RAPH1: variants seen among roughly 807,000 people sequenced by gnomAD.
RAPH1 encodes the protein Ras association (RalGDS/AF-6) and pleckstrin homology domains 1.
In RAPH1, 18 loss-of-function variants were observed where a neutral mutation model predicts 88.1. The observed-to-expected ratio is 0.20, with a 90% CI of 0.14 to 0.30. The LOEUF (loss-of-function observed/expected upper bound fraction) is 0.30, where lower values mean the gene tolerates loss of function less well. Ranked by LOEUF, RAPH1 falls within the 10% of genes least tolerant of loss-of-function variation. RAPH1 has a pLI of 1.00. For missense variants in RAPH1, 1,448 were observed against 1,543.2 expected (o/e 0.94, Z 1.03); for synonymous variants, 587 against 559.0 (o/e 1.05, Z -0.71).
intron 5 of RAPH1, 38 bp downstream of exon 5, chr2:203,461,804 AACTGAT>A: frequency 6.8e-7 from 1 of 1,475,708 alleles, no homozygotes; most frequent in Non-Finnish European, 9.3e-7. Flanking sequence ...AAATCCAAAA[AACTGAT>A]AAAAAAATCC....
Position 203,514,934 on chromosome 2 carries a change from A to C in RAPH1, c.1-19581T>G, listed in dbSNP as rs149936257. Reference sequence around the variant, plus strand: ...TCATATAATACCAATTAGAATAGAAAAAGTGTTTAAAACTAAGTAAAACTA... The same window carrying C: ...TCATATAATACCAATTAGAATAGAACAAGTGTTTAAAACTAAGTAAAACTA... On this transcript the variant is annotated intron_variant, in intron 1 of 13. Transcript: ENST00000319170. Among the ~76,000 whole-genome samples, 920 of 152,290 alleles carry C rather than the reference A, an allele frequency of 6.0e-3. 5 individuals are homozygous for C. The highest frequency in any genetic ancestry group is 0.01 in the Non-Finnish European group (686 of 68,026).
intron 1 of RAPH1, among the ~76,000 whole-genome samples, chr2:203,506,806 C>CTAGATATA (rs1689053506): frequency 7.7e-5 from 7 of 90,540 alleles, no homozygotes; most frequent in Admixed American, 1.2e-4. Flanking sequence ...ATATATATAT[C>CTAGATATA]TATATCTATA....
At chr2:203,526,934 C>T (rs976795637) in intron 1 of RAPH1, among the ~76,000 whole-genome samples, 1 of 151,850 alleles carries the variant, frequency 6.6e-6, no homozygotes, top group South Asian at 2.1e-4. Flanking sequence ...CAGGCACATG[C>T]CACCACACCC....
chr2:203,495,703 A>C lies in RAPH1; in HGVS notation c.1-350T>G, dbSNP rs933142188. Among the ~76,000 whole-genome samples the C allele has an allele frequency of 3.3e-5, 5 of 152,212 alleles. No individual in the cohort carries two copies. In the East Asian group the frequency reaches 9.6e-4, roughly 29 times the overall value. Reference sequence around the variant, plus strand: ...CACTACTAGATCCTAGGACACCCAAACACCACAAAGAAGCCATTTCAGAAG... The same window carrying C: ...CACTACTAGATCCTAGGACACCCAACCACCACAAAGAAGCCATTTCAGAAG... On this transcript the variant is annotated intron_variant, in intron 1 of 13. Coordinates refer to ENST00000319170, the MANE Select transcript of RAPH1 (RefSeq NM_213589.3).
chr2:203,502,098 T>C (rs771398337), intron 1 of RAPH1, among the ~76,000 whole-genome samples: 5 of 152,248 alleles, frequency 3.3e-5, no homozygotes, highest in African/African-American at 4.8e-5. Context: ...GGAAGCAATG[T>C]GCTATGCTAT....
intron 1 of RAPH1, among the ~76,000 whole-genome samples, chr2:203,524,050 A>G (rs1690009668): frequency 6.6e-6 from 1 of 152,184 alleles, no homozygotes; most frequent in Admixed American, 6.6e-5. Context: ...ACTAAGAGAA[A>G]ATATTTGCAA....
At chr2:203,459,883 C>G in intron 7 of RAPH1, 24 bp downstream of exon 7, 1 of 1,604,214 alleles carries the variant, frequency 6.2e-7, no homozygotes. Flanking sequence ...CAAATCCTGA[C>G]CTCTGTAAGT....
At chr2:203,452,235 T>C (rs1234783159) in intron 10 of RAPH1, among the ~76,000 whole-genome samples, 1 of 152,182 alleles carries the variant, frequency 6.6e-6, no homozygotes, top group Non-Finnish European at 1.5e-5. Context: ...GAGTTAAAAA[T>C]GTACCACCCT....
At chr2:203,522,225 A>G (rs1689909580) in intron 1 of RAPH1, among the ~76,000 whole-genome samples, 1 of 152,200 alleles carries the variant, frequency 6.6e-6, no homozygotes, top group Non-Finnish European at 1.5e-5. Context: ...GTCACATCAG[A>G]GTAGATGGTC....
Position 203,491,203 on chromosome 2 carries a change from T to C in RAPH1, c.226+11A>G. ...ATACTATTTTACATTTTATTTCCAATTACATCTTACCATTCAAGTTGTATA... is the reference window on the plus strand; with the variant it reads ...ATACTATTTTACATTTTATTTCCAACTACATCTTACCATTCAAGTTGTATA... On this transcript the variant is annotated intron_variant, in intron 3 of 13. Transcript: ENST00000319170. The C allele has an allele frequency of 6.4e-7, 1 of 1,560,578 alleles. No homozygotes were observed. Among genetic ancestry groups the C allele is most frequent in the Non-Finnish European group, 8.8e-7 (1 of 1,132,294 alleles).
At chr2:203,473,911 T>C (rs907769292) in intron 4 of RAPH1, among the ~76,000 whole-genome samples, 4 of 152,164 alleles carry the variant, frequency 2.6e-5, no homozygotes, top group African/African-American at 7.2e-5. Flanking sequence ...AACTTTTGAG[T>C]GTGGAACCAT....
rs555305333 is a variant in RAPH1, at chr2:203,456,019, C to CA, written c.1159-440dup. 2.0e-4 allele frequency among the ~76,000 whole-genome samples: 10 copies of CA among 49,854 alleles called. No homozygotes were observed. The South Asian group carries it at 0.013, about 65-fold the overall frequency. The allele number at this position is 49,854 out of a possible 152,430, so 32.7% of individuals were successfully genotyped here. ...GCGAGACTCTGTCTCAAAACAAAAA[C>CA]AAAAACAAAAACAAAAACAAAAACA... On this transcript the variant is annotated intron_variant, in intron 8 of 13. Transcript: ENST00000319170.
At chr2:203,456,400 T>G (rs368355036) in intron 8 of RAPH1, among the ~76,000 whole-genome samples, 1 of 152,320 alleles carries the variant, frequency 6.6e-6, no homozygotes, top group African/African-American at 2.4e-5. Flanking sequence ...CTTTAAGAAT[T>G]TAAAAACTAT....
At chr2:203,523,116 A>G (rs1689963761) in intron 1 of RAPH1, among the ~76,000 whole-genome samples, 1 of 151,706 alleles carries the variant, frequency 6.6e-6, no homozygotes, top group Non-Finnish European at 1.5e-5. Flanking sequence ...GCCAGAGGTC[A>G]GGGGCGGTGG....
In RAPH1 at chr2:203,439,193, GAATA is replaced by G; in HGVS notation, c.*240_*243del. ...CCATTTTCAGATTAGGAGAGAAAAG[GAATA>G]AATAGAATAACTCTCAGCTCTCTCT... is the stretch of plus-strand genomic sequence containing the variant. On this transcript the variant is annotated 3_prime_UTR_variant, in exon 14 of 14. Transcript: ENST00000319170. 2.4e-6 allele frequency: 1 copy of G among 415,254 alleles called. No individual in the cohort carries two copies. The highest frequency in any genetic ancestry group is 4.3e-6 in the Non-Finnish European group (1 of 230,992). 25.7% of individuals were successfully genotyped at this position (415,254 alleles called of 1,614,324 possible). A position where few individuals can be genotyped will look rare whatever the true frequency, so the allele number is the denominator to read the frequency against.
intron 4 of RAPH1, among the ~76,000 whole-genome samples, chr2:203,469,383 GTCTTT>G (rs1336968528): frequency 2.0e-5 from 3 of 152,136 alleles, no homozygotes; most frequent in African/African-American, 7.2e-5. Context: ...TTGTTAAAGG[GTCTTT>G]TCTTTGAGCT....
In RAPH1 at chr2:203,459,928, A is replaced by G. The variant is rs145877365; in HGVS notation, c.1071T>C (p.Tyr357=). ...KLIFMERIEK[Y]ALFKNPQNYL... ...TTACCTGTGGGTTTTTGAAAAGTGC[A>G]TATTTTTCTATACGCTCCATAAATA... Residue 357 remains tyrosine (Y), a synonymous_variant, in exon 7 of 14, where the codon TAT becomes TAC. Transcript: ENST00000319170. The G allele has an allele frequency of 2.6e-5, 42 of 1,612,884 alleles. No homozygotes were observed. The highest frequency in any genetic ancestry group is 2.6e-5 in the Non-Finnish European group (31 of 1,179,488).
chr2:203,452,593 T>C (rs2098515831), intron 10 of RAPH1, among the ~76,000 whole-genome samples: 1 of 152,082 alleles, frequency 6.6e-6, no homozygotes, highest in Non-Finnish European at 1.5e-5. Context: ...ACCCTAAGAG[T>C]ATGAAGTGAA....
chr2:203,511,676 C>G (rs1275464101), intron 1 of RAPH1, among the ~76,000 whole-genome samples: 1 of 151,966 alleles, frequency 6.6e-6, no homozygotes, highest in Admixed American at 6.6e-5. Flanking sequence ...TTCCAAAATT[C>G]TCTACCTTCT....
Sources: gnomAD v4.1 joint callset for allele counts (sites outside exome capture counted in the v4.1 genomes callset) on GRCh38, gnomAD v4.1.1 for gene constraint, MANE v1.5 for transcripts, NCBI Gene and HGNC (gene_info 2026-07-23, HGNC 2026-07-21) for gene names.